TENM3: variants seen among roughly 807,000 people sequenced by gnomAD.
TENM3 encodes teneurin-3.
A neutral mutation model predicts 255.1 loss-of-function variants in TENM3; 63 were observed. The observed-to-expected ratio is 0.25, with a 90% CI of 0.20 to 0.30. TENM3 has a LOEUF of 0.30. TENM3 is among the 10% of genes least tolerant of loss of function. The probability of loss-of-function intolerance (pLI) is 1.00; values close to 1 mark genes in which losing one functional copy is unlikely to be tolerated. For missense variants in TENM3, 2,929 were observed against 3,461.1 expected (o/e 0.85, Z 3.86); for synonymous variants, 1,306 against 1,322.3 (o/e 0.99, Z 0.27).
In TENM3 at chr4:182,469,186, G is replaced by A. The variant is rs61039002; in HGVS notation, c.511+122257G>A. Among the ~76,000 whole-genome samples, 583 of 152,214 alleles carry A rather than the reference G, an allele frequency of 3.8e-3. 3 individuals carry two copies. Among genetic ancestry groups the A allele is most frequent in the African/African-American group, 0.013 (549 of 41,538 alleles). Reference sequence around the variant, plus strand: ...TTGATAAGCATCTGAATGTCTGCCTGAATGAATTTGAAAAACTAAAACAAG... The same window carrying A: ...TTGATAAGCATCTGAATGTCTGCCTAAATGAATTTGAAAAACTAAAACAAG... On this transcript the variant is annotated intron_variant, in intron 3 of 27. Coordinates refer to ENST00000511685, the MANE Select transcript of TENM3 (RefSeq NM_001080477.4).
At chr4:182,535,472 T>C (rs7689040) in intron 3 of TENM3, among the ~76,000 whole-genome samples, 80,770 of 151,918 alleles carry the variant, frequency 0.53, 21,726 homozygotes, top group East Asian at 0.66. Context: ...TGGTGGCTCA[T>C]GCCTGTCATC....
intron 3 of TENM3, among the ~76,000 whole-genome samples, chr4:182,484,654 TAAAG>T (rs902927606): frequency 5.9e-5 from 9 of 152,162 alleles, no homozygotes; most frequent in South Asian, 2.1e-4. Context: ...AAATTAATGA[TAAAG>T]AAAAGCTGTC....
At chr4:182,295,261 CT>C (rs752005972) in intron 1 of TENM3, among the ~76,000 whole-genome samples, 77 of 70,444 alleles carry the variant, frequency 1.1e-3, no homozygotes, top group South Asian at 5.0e-3. Flanking sequence ...CTTTGCTTTT[CT>C]TTTTTTTTTT....
At chr4:182,364,639 T>C (rs2150809206) in intron 3 of TENM3, among the ~76,000 whole-genome samples, 1 of 152,312 alleles carries the variant, frequency 6.6e-6, no homozygotes, top group East Asian at 1.9e-4. Flanking sequence ...CAGGATGGTC[T>C]CAACCTCCTG....
At chr4:182,114,041 C>T in the TENM3 span, among the ~76,000 whole-genome samples, 4 of 152,150 alleles carry the variant, frequency 2.6e-5, no homozygotes, top group Non-Finnish European at 2.9e-5. Context: ...GACTACCCTG[C>T]TTTTTGAGTA....
chr4:182,351,904 G>T (rs963120203), intron 3 of TENM3, among the ~76,000 whole-genome samples: 1 of 152,160 alleles, frequency 6.6e-6, no homozygotes, highest in African/African-American at 2.4e-5. Flanking sequence ...GTTCAGGTAT[G>T]CCTGGTGCTT....
At chr4:181,546,876 A>G in the TENM3 span, among the ~76,000 whole-genome samples, 5 of 151,186 alleles carry the variant, frequency 3.3e-5, no homozygotes, top group African/African-American at 1.2e-4. Context: ...TGTTGTGTGT[A>G]TTGGGGATTT....
the TENM3 span, among the ~76,000 whole-genome samples, chr4:182,052,566 C>T: frequency 6.6e-6 from 1 of 152,176 alleles, no homozygotes; most frequent in African/African-American, 2.4e-5. Flanking sequence ...AGCCACAAAC[C>T]TCACTTCTTC....
At chr4:181,995,119 T>C in the TENM3 span, among the ~76,000 whole-genome samples, 1 of 152,034 alleles carries the variant, frequency 6.6e-6, no homozygotes, top group South Asian at 2.1e-4. Flanking sequence ...TGAAACCCTG[T>C]CTCTACTAAA....
chr4:181,505,871 T>C, the TENM3 span, among the ~76,000 whole-genome samples: 9,275 of 152,228 alleles, frequency 0.061, 420 homozygotes, highest in African/African-American at 0.12. Flanking sequence ...TACTTTCACA[T>C]CCTAAAAACA....
chr4:181,855,944 AAAG>A, the TENM3 span, among the ~76,000 whole-genome samples: 18 of 148,648 alleles, frequency 1.2e-4, no homozygotes, highest in East Asian at 3.6e-3. Flanking sequence ...AAGGAAGAAG[AAAG>A]AAGGAAGGAA....
chr4:182,084,014 T>A, the TENM3 span, among the ~76,000 whole-genome samples: 1 of 152,194 alleles, frequency 6.6e-6, no homozygotes, highest in Non-Finnish European at 1.5e-5. Flanking sequence ...GATGTCAAAG[T>A]GTAATTTTCT....
intron 3 of TENM3, among the ~76,000 whole-genome samples, chr4:182,359,950 C>CT (rs1330491044): frequency 1.3e-5 from 2 of 151,746 alleles, no homozygotes; most frequent in African/African-American, 4.8e-5. Context: ...CAAAGAACAT[C>CT]TTTATTTCTG....
At chr4:181,816,888 G>A in the TENM3 span, among the ~76,000 whole-genome samples, 1 of 152,196 alleles carries the variant, frequency 6.6e-6, no homozygotes, top group African/African-American at 2.4e-5. Context: ...GGGGACAAAA[G>A]TGAAAGTAAC....
chr4:181,844,062 A>G, the TENM3 span, among the ~76,000 whole-genome samples: 1 of 152,042 alleles, frequency 6.6e-6, no homozygotes. Context: ...TGGAAGGCGG[A>G]AGGGCAAAAG....
the TENM3 span, among the ~76,000 whole-genome samples, chr4:182,117,222 A>T: frequency 6.6e-6 from 1 of 152,138 alleles, no homozygotes; most frequent in Non-Finnish European, 1.5e-5. Flanking sequence ...AATATCTTCT[A>T]GTCTGTGGCT....
chr4:181,912,379 A>G, the TENM3 span, among the ~76,000 whole-genome samples: 1 of 152,242 alleles, frequency 6.6e-6, no homozygotes, highest in African/African-American at 2.4e-5. Context: ...GGTATGTGAT[A>G]CATGTGATAT....
At chr4:182,087,988 T>C in the TENM3 span, among the ~76,000 whole-genome samples, 1 of 152,206 alleles carries the variant, frequency 6.6e-6, no homozygotes, top group Non-Finnish European at 1.5e-5. Flanking sequence ...GCTACATAAA[T>C]GCTCACTGAA....
At chr4:181,697,827 T>G in the TENM3 span, among the ~76,000 whole-genome samples, 1 of 152,148 alleles carries the variant, frequency 6.6e-6, no homozygotes, top group Admixed American at 6.5e-5. Flanking sequence ...AAAGAGAAAA[T>G]AACATTTATT....
Sources: gnomAD v4.1 joint callset for allele counts (sites outside exome capture counted in the v4.1 genomes callset) on GRCh38, gnomAD v4.1.1 for gene constraint, MANE v1.5 for transcripts, NCBI Gene and HGNC (gene_info 2026-07-23, HGNC 2026-07-21) for gene names.